Variants in ENTREP2 observed in about 807,000 individuals in gnomAD.
ENTREP2 encodes protein ENTREP2.
chr15:29,516,848 G>A, the ENTREP2 span, among the ~76,000 whole-genome samples: 2 of 151,960 alleles, frequency 1.3e-5, no homozygotes, highest in African/African-American at 4.8e-5. Flanking sequence ...GCACAGAGGA[G>A]GGTGGTTCTC....
At chr15:29,355,885 G>C in the ENTREP2 span, among the ~76,000 whole-genome samples, 17 of 152,160 alleles carry the variant, frequency 1.1e-4, no homozygotes, top group Non-Finnish European at 1.5e-5. Flanking sequence ...ACGAAGAGGA[G>C]GCTTTATAAC....
the ENTREP2 span, among the ~76,000 whole-genome samples, chr15:29,313,735 G>A: frequency 6.6e-6 from 1 of 152,168 alleles, no homozygotes. Context: ...ACGGGTCAGG[G>A]AGTAACTCAC....
At chr15:29,254,234 G>T in the ENTREP2 span, among the ~76,000 whole-genome samples, 2 of 143,004 alleles carry the variant, frequency 1.4e-5, no homozygotes, top group African/African-American at 2.6e-5. Context: ...GGTTATTTCT[G>T]CCTTTCAATG....
At chr15:29,505,332 A>G in the ENTREP2 span, among the ~76,000 whole-genome samples, 2 of 152,252 alleles carry the variant, frequency 1.3e-5, no homozygotes, top group Non-Finnish European at 2.9e-5. The surrounding 1 kb of genome is among the most constrained non-coding windows in gnomAD (Gnocchi z 4.3). Flanking sequence ...GCGCAGCTTC[A>G]GCAGACTTAA....
At chr15:29,508,913 A>G in the ENTREP2 span, among the ~76,000 whole-genome samples, 1 of 152,170 alleles carries the variant, frequency 6.6e-6, no homozygotes, top group Admixed American at 6.6e-5. Context: ...CAATGAGGCA[A>G]GAGAAAGAAA....
At chr15:29,398,616 C>T in the ENTREP2 span, among the ~76,000 whole-genome samples, 4 of 152,052 alleles carry the variant, frequency 2.6e-5, no homozygotes, top group East Asian at 1.9e-4. Context: ...CTCAGCTACT[C>T]GGGAGGCTGA....
the ENTREP2 span, among the ~76,000 whole-genome samples, chr15:29,514,835 C>T: frequency 9.2e-4 from 140 of 152,292 alleles, 1 homozygote; most frequent in African/African-American, 3.2e-3. Flanking sequence ...AGAATGAAAA[C>T]ATGAATCATG....
chr15:29,451,423 C>G, the ENTREP2 span, among the ~76,000 whole-genome samples: 1 of 152,140 alleles, frequency 6.6e-6, no homozygotes, highest in Non-Finnish European at 1.5e-5. Context: ...CACAGCACAC[C>G]GACCCCACAG....
chr15:29,321,374 G>A, the ENTREP2 span, among the ~76,000 whole-genome samples: 7 of 152,278 alleles, frequency 4.6e-5, no homozygotes, highest in East Asian at 1.9e-4. Context: ...AAGAGGCTGG[G>A]CGCGGTGGCT....
At chr15:29,652,958 G>A in the ENTREP2 span, among the ~76,000 whole-genome samples, 2 of 152,116 alleles carry the variant, frequency 1.3e-5, no homozygotes, top group Non-Finnish European at 1.5e-5. Context: ...AGAGGTTTCT[G>A]GCCAGAAAAA....
chr15:29,261,473 C>T, the ENTREP2 span, among the ~76,000 whole-genome samples: 2 of 152,226 alleles, frequency 1.3e-5, no homozygotes, highest in African/African-American at 4.8e-5. Context: ...GAGCCTGCTT[C>T]TACTGCACTC....
the ENTREP2 span, among the ~76,000 whole-genome samples, chr15:29,300,296 GTAGATGGATGGA>G: frequency 4.8e-5 from 2 of 41,646 alleles, no homozygotes; most frequent in African/African-American, 2.4e-4. Flanking sequence ...CGGTAGGTGG[GTAGATGGATGGA>G]TGGATGGATG....
the ENTREP2 span, among the ~76,000 whole-genome samples, chr15:29,377,830 A>AATAATAATAATAATAATC: frequency 8.1e-6 from 1 of 123,838 alleles, no homozygotes; most frequent in Non-Finnish European, 1.8e-5. Context: ...CAAAAATAAT[A>AATAATAATAATAATAATC]ATAATAATAA....
the ENTREP2 span, among the ~76,000 whole-genome samples, chr15:29,627,835 C>G: frequency 6.6e-6 from 1 of 152,176 alleles, no homozygotes; most frequent in Non-Finnish European, 1.5e-5. Flanking sequence ...TTTTTTAAGA[C>G]TGGATAATAA....
the ENTREP2 span, among the ~76,000 whole-genome samples, chr15:29,521,861 AAC>A: frequency 4.6e-5 from 7 of 151,260 alleles, no homozygotes; most frequent in South Asian, 4.2e-4. Context: ...CATACACTTA[AAC>A]ACACACACAC....
chr15:29,553,734 G>C, the ENTREP2 span, among the ~76,000 whole-genome samples: 1 of 152,300 alleles, frequency 6.6e-6, no homozygotes, highest in Admixed American at 6.5e-5. Context: ...CAGTGCTGGA[G>C]GAGCTACAAG....
At chr15:29,515,417 G>A in the ENTREP2 span, among the ~76,000 whole-genome samples, 3 of 152,250 alleles carry the variant, frequency 2.0e-5, no homozygotes, top group South Asian at 2.1e-4. Context: ...GCAACAAATC[G>A]GATGATGACC....
At chr15:29,367,913 C>A in the ENTREP2 span, among the ~76,000 whole-genome samples, 2 of 148,736 alleles carry the variant, frequency 1.3e-5, no homozygotes, top group Non-Finnish European at 3.0e-5. Context: ...TCTAGAGGCA[C>A]CACATTATAT....
the ENTREP2 span, among the ~76,000 whole-genome samples, chr15:29,478,026 T>TATATATATATATATATATATA: frequency 8.0e-6 from 1 of 125,616 alleles, no homozygotes; most frequent in African/African-American, 3.2e-5. Context: ...TATATTTTTT[T>TATATATATATATATATATATA]TTTTTTTTTT....
Sources: gnomAD v4.1 joint callset for allele counts (sites outside exome capture counted in the v4.1 genomes callset) on GRCh38, gnomAD v4.1.1 for gene constraint, Gnocchi (gnomAD v3.1) non-coding constraint, MANE v1.5 for transcripts, NCBI Gene and HGNC (gene_info 2026-07-23, HGNC 2026-07-21) for gene names.